MYLK4: variants seen among roughly 807,000 people sequenced by gnomAD.
MYLK4 encodes the protein caMLCK like.
Under a neutral mutation model 48.1 loss-of-function variants are expected in MYLK4, and 46 were observed. That is an observed-to-expected ratio of 0.96 (90% CI 0.75 to 1.22). The LOEUF is 1.22. MYLK4 is among the 50% of genes most tolerant of loss of function. The pLI is 0.00. For missense variants in MYLK4, 451 were observed against 486.1 expected, an observed-to-expected ratio of 0.93 and a Z score of 0.68; for synonymous variants, 170 against 180.8, an observed-to-expected ratio of 0.94 and a Z score of 0.48.
chr6:2,688,998 C>T, intron 3 of MYLK4, 42 bp from the exon 4 acceptor site: 1 of 1,545,138 alleles, frequency 6.5e-7, no homozygotes. Context: ...GTCAAGAAGT[C>T]TGACCTCGTT....
the MYLK4 span, chr6:2,768,893 T>G: frequency 1.1e-5 from 18 of 1,599,182 alleles, no homozygotes; most frequent in Non-Finnish European, 1.5e-5. Context: ...GTATATTAAC[T>G]TCCTTCTACC....
At chr6:2,675,951 G>A (rs920551952) in intron 10 of MYLK4, among the ~76,000 whole-genome samples, 3 of 152,018 alleles carry the variant, frequency 2.0e-5, no homozygotes, top group African/African-American at 7.2e-5. Context: ...AATTAGCTGG[G>A]TGTGGTGGGG....
intron 2 of MYLK4, among the ~76,000 whole-genome samples, chr6:2,739,462 T>C (rs902929652): frequency 9.2e-5 from 14 of 152,210 alleles, no homozygotes; most frequent in African/African-American, 3.4e-4. Context: ...TTAAGGTCCC[T>C]AATCTTTGAG....
At chr6:2,693,028 C>T (rs1761874615) in intron 2 of MYLK4, among the ~76,000 whole-genome samples, 169 bp from the exon 3 acceptor site, 1 of 152,162 alleles carries the variant, frequency 6.6e-6, no homozygotes, top group South Asian at 2.1e-4. Context: ...AGCACCCTCC[C>T]TCCCAGTTGT....
At chr6:2,713,945 C>A (rs957749558) in intron 2 of MYLK4, among the ~76,000 whole-genome samples, 23 of 152,252 alleles carry the variant, frequency 1.5e-4, no homozygotes, top group African/African-American at 5.3e-4. Context: ...GCCCAAACCA[C>A]AATGAGATAA....
intron 2 of MYLK4, among the ~76,000 whole-genome samples, chr6:2,719,825 A>G (rs1483098562): frequency 1.3e-5 from 2 of 152,228 alleles, no homozygotes; most frequent in Non-Finnish European, 2.9e-5. Context: ...CACATCAACA[A>G]GCAGCATTTG....
At chr6:2,764,523 G>A in the MYLK4 span, among the ~76,000 whole-genome samples, 1 of 152,164 alleles carries the variant, frequency 6.6e-6, no homozygotes, top group Non-Finnish European at 1.5e-5. Context: ...AAAAATGCCT[G>A]TTTTGAGATA....
chr6:2,689,851 C>T (rs1761706021), intron 3 of MYLK4, among the ~76,000 whole-genome samples: 1 of 152,220 alleles, frequency 6.6e-6, no homozygotes, highest in Non-Finnish European at 1.5e-5. Flanking sequence ...TTGTTCCAGG[C>T]ACTCTGCCAA....
upstream of MYLK4, among the ~76,000 whole-genome samples, chr6:2,754,168 T>C (rs954260741): frequency 1.3e-5 from 2 of 152,176 alleles, no homozygotes; most frequent in Non-Finnish European, 2.9e-5. Flanking sequence ...ATTCTTCTCC[T>C]AGGTATCTAC....
rs1432472446 is a variant in MYLK4, at chr6:2,737,982, G to GA, written c.159+11153_159+11154insT. 3.9e-3 allele frequency among the ~76,000 whole-genome samples: 233 copies of GA among 60,076 alleles called. 38 individuals carry two copies. The highest frequency in any genetic ancestry group is 0.022 in the Middle Eastern group (3 of 134). 39.4% of individuals were successfully genotyped at this position (60,076 alleles called of 152,430 possible). A position where few individuals can be genotyped will look rare whatever the true frequency, so the allele number is the denominator to read the frequency against. ...TGGGGGTGGGGTGCCGGGGGCGGGT[G>GA]GGGGGGGGGTGGTCAATGTTATTAA... On this transcript the variant is annotated intron_variant, in intron 2 of 12. Transcript: ENST00000274643.
rs12528416 is a variant in MYLK4 at position 2,674,596 on chromosome 6, G to T, written c.1119+451C>A. Among the ~76,000 whole-genome samples the T allele has an allele frequency of 8.8e-4, 134 of 152,184 alleles. 1 individual carries two copies. Among genetic ancestry groups the T allele is most frequent in the African/African-American group, 3.1e-3 (128 of 41,514 alleles). ...CTGCTCAAAAAAGCATTTTAAGGCCGGGTGCAGTGGCTCAGGCCTGTAATC... is the reference window on the plus strand; with the variant it reads ...CTGCTCAAAAAAGCATTTTAAGGCCTGGTGCAGTGGCTCAGGCCTGTAATC... On this transcript the variant is annotated intron_variant, in intron 11 of 12. Coordinates refer to ENST00000274643, the MANE Select transcript of MYLK4 (RefSeq NM_001012418.5).
chr6:2,736,283 C>T (rs2113342279), intron 2 of MYLK4, among the ~76,000 whole-genome samples: 1 of 152,318 alleles, frequency 6.6e-6, no homozygotes, highest in Non-Finnish European at 1.5e-5. Flanking sequence ...GAGATGGAGT[C>T]TCGCTCTGTC....
intron 3 of MYLK4, among the ~76,000 whole-genome samples, chr6:2,690,821 A>ATTTTTTT (rs1561842811): frequency 1.5e-4 from 19 of 127,794 alleles, no homozygotes; most frequent in African/African-American, 5.7e-4. Context: ...ATCTCTCTGA[A>ATTTTTTT]TCTTTTTTTT....
the MYLK4 span, among the ~76,000 whole-genome samples, chr6:2,764,601 C>A: frequency 0.98 from 149,496 of 152,376 alleles, 73,410 homozygotes; most frequent in East Asian, 1. Flanking sequence ...AAGATGCAGA[C>A]TACCACACTT....
At chr6:2,761,925 T>C in the MYLK4 span, among the ~76,000 whole-genome samples, 1 of 152,254 alleles carries the variant, frequency 6.6e-6, no homozygotes, top group Non-Finnish European at 1.5e-5. Flanking sequence ...TTTGTTTTTA[T>C]TTTTTGAGAC....
chr6:2,683,090 C>T lies in MYLK4; in HGVS notation c.618G>A (p.Leu206=), dbSNP rs541303896. Residue 206 remains leucine (L), a synonymous_variant, in exon 7 of 13, where the codon CTG becomes CTA. Coordinates refer to ENST00000274643, the MANE Select transcript of MYLK4 (RefSeq NM_001012418.5). ...TCCCCTCACATATCTGCTTCATGAA[C>T]AGGATGGTATCAAGCTCCGTCAAAT... ...SYNLTELDTI[L]FMKQICEGIR... The T allele has an allele frequency of 6.2e-6, 10 of 1,614,150 alleles. No individual in the cohort carries two copies. In the African/African-American group the frequency reaches 1.3e-4, roughly 22 times the overall value.
the MYLK4 span, among the ~76,000 whole-genome samples, chr6:2,766,952 TAA>T: frequency 6.6e-6 from 1 of 152,272 alleles, no homozygotes; most frequent in Non-Finnish European, 1.5e-5. Flanking sequence ...TTCTTAAGAA[TAA>T]GTTTATTTAA....
chr6:2,717,640 T>A (rs890737712), intron 2 of MYLK4, among the ~76,000 whole-genome samples: 1 of 152,236 alleles, frequency 6.6e-6, no homozygotes, highest in African/African-American at 2.4e-5. Context: ...GACGCCCTCA[T>A]CCAATCCTCA....
chr6:2,675,901 G>A (rs569371135), intron 10 of MYLK4, among the ~76,000 whole-genome samples: 19 of 152,106 alleles, frequency 1.2e-4, no homozygotes, highest in African/African-American at 4.6e-4. Context: ...GACCAGTCTG[G>A]CCAAAATAGT....
Sources: gnomAD v4.1 joint callset for allele counts (sites outside exome capture counted in the v4.1 genomes callset) on GRCh38, gnomAD v4.1.1 for gene constraint, MANE v1.5 for transcripts, NCBI Gene and HGNC (gene_info 2026-07-23, HGNC 2026-07-21) for gene names.